Variants in SLC25A21 observed in about 807,000 individuals in gnomAD.
SLC25A21 encodes solute carrier family 25 member 21.
In SLC25A21, 47 loss-of-function variants were observed where a neutral mutation model predicts 43.8. The observed-to-expected ratio is 1.07, with a 90% CI of 0.85 to 1.37. The LOEUF is 1.37. Ranked by LOEUF, SLC25A21 falls within the 40% of genes most tolerant of loss-of-function variation. SLC25A21 has a pLI of 0.00. For synonymous variants in SLC25A21, 131 were observed against 121.3 expected, an observed-to-expected ratio of 1.08 and a Z score of -0.52; for missense variants, 352 against 350.2, an observed-to-expected ratio of 1.00 and a Z score of -0.04.
At chr14:36,697,809 T>C (rs1043798106) in intron 7 of SLC25A21, among the ~76,000 whole-genome samples, 1 of 150,674 alleles carries the variant, frequency 6.6e-6, no homozygotes, top group Non-Finnish European at 1.5e-5. Context: ...ATGTGCATCT[T>C]TGCATGTGAG....
intron 1 of SLC25A21, among the ~76,000 whole-genome samples, chr14:36,897,892 G>A (rs1199041394): frequency 1.3e-5 from 2 of 152,156 alleles, no homozygotes; most frequent in African/African-American, 4.8e-5. Context: ...CGTTCCTCTG[G>A]AAGTTTTGTC....
chr14:36,802,699 A>G (rs1054011242), intron 3 of SLC25A21, among the ~76,000 whole-genome samples: 2 of 152,192 alleles, frequency 1.3e-5, no homozygotes, highest in Admixed American at 6.6e-5. Flanking sequence ...GGAAGGCATC[A>G]AAGAGAAAAC....
chr14:36,892,557 T>TA (rs1891100989), intron 1 of SLC25A21, among the ~76,000 whole-genome samples: 1 of 152,120 alleles, frequency 6.6e-6, no homozygotes, highest in African/African-American at 2.4e-5. Context: ...TCACTTTTTT[T>TA]TTTATTATAC....
intron 1 of SLC25A21, among the ~76,000 whole-genome samples, chr14:37,089,052 T>G (rs1594787001): frequency 6.6e-6 from 1 of 152,320 alleles, no homozygotes; most frequent in East Asian, 1.9e-4. Flanking sequence ...TTTCCTAACT[T>G]AATCATACTC....
At chr14:37,110,240 G>T (rs980175084) in intron 1 of SLC25A21, among the ~76,000 whole-genome samples, 1 of 152,146 alleles carries the variant, frequency 6.6e-6, no homozygotes, top group African/African-American at 2.4e-5. Flanking sequence ...AGGTTGCATT[G>T]GTTTGCAGAG....
intron 1 of SLC25A21, among the ~76,000 whole-genome samples, chr14:37,144,960 T>C (rs1269702495): frequency 6.6e-6 from 1 of 152,082 alleles, no homozygotes; most frequent in African/African-American, 2.4e-5. Flanking sequence ...TTGTTGTTTG[T>C]TTGTTTTTAA....
At chr14:37,101,962 A>C (rs1322252574) in intron 1 of SLC25A21, among the ~76,000 whole-genome samples, 2 of 152,208 alleles carry the variant, frequency 1.3e-5, no homozygotes, top group Non-Finnish European at 2.9e-5. Context: ...CTGTAAGATG[A>C]AGAAAATGAG....
rs536542427 is a variant in SLC25A21, at chr14:37,052,890, G to A, written c.70+119391C>T. 5.3e-5 allele frequency among the ~76,000 whole-genome samples: 8 copies of A among 152,148 alleles called. No homozygotes were observed. The East Asian group carries it at 1.2e-3, about 22-fold the overall frequency. On this transcript the variant is annotated intron_variant, in intron 1 of 9. Coordinates refer to ENST00000331299, the MANE Select transcript of SLC25A21 (RefSeq NM_030631.4). ...TGGCCTCAAGTGATCCACCTGCTTCGGCCTCCAAAAGTGTTAAGATTACAG... is the reference window on the plus strand; with the variant it reads ...TGGCCTCAAGTGATCCACCTGCTTCAGCCTCCAAAAGTGTTAAGATTACAG...
intron 3 of SLC25A21, among the ~76,000 whole-genome samples, chr14:36,764,085 A>AG (rs1566587634): frequency 5.4e-5 from 3 of 55,642 alleles, no homozygotes; most frequent in East Asian, 9.1e-4. Flanking sequence ...AGAAAGAAGG[A>AG]AGGAAGGAAG....
intron 2 of SLC25A21, among the ~76,000 whole-genome samples, chr14:36,841,862 T>C (rs1156509113): frequency 6.6e-6 from 1 of 152,228 alleles, no homozygotes; most frequent in Non-Finnish European, 1.5e-5. Flanking sequence ...ACCTGCAGAC[T>C]ACCCTGCTCA....
intron 1 of SLC25A21, among the ~76,000 whole-genome samples, chr14:36,982,201 T>C (rs375308327): frequency 1.3e-5 from 2 of 152,208 alleles, no homozygotes; most frequent in East Asian, 1.9e-4. Context: ...TAGAACAGAT[T>C]TTAAACTCAT....
chr14:36,687,626 C>T (rs1882613335), intron 7 of SLC25A21, among the ~76,000 whole-genome samples: 1 of 152,202 alleles, frequency 6.6e-6, no homozygotes, highest in South Asian at 2.1e-4. Context: ...GACCACACAG[C>T]CTGCTTGAAT....
chr14:36,750,154 T>C lies in SLC25A21; in HGVS notation c.204-15581A>G, dbSNP rs141806790. Among the ~76,000 whole-genome samples, 15 of 152,354 alleles carry C rather than the reference T, an allele frequency of 9.8e-5. No homozygotes were observed. In the East Asian group the frequency reaches 2.1e-3, roughly 22 times the overall value. Reference sequence around the variant, plus strand: ...GGTGTTGTGAACAGAAAATCGTATCTGGCATTTTGAACTATTCTAAGATCA... The same window carrying C: ...GGTGTTGTGAACAGAAAATCGTATCCGGCATTTTGAACTATTCTAAGATCA... On this transcript the variant is annotated intron_variant, in intron 3 of 9. Transcript: ENST00000331299.
intron 1 of SLC25A21, among the ~76,000 whole-genome samples, chr14:36,935,489 A>G (rs1253108097): frequency 6.6e-6 from 1 of 152,170 alleles, no homozygotes; most frequent in Non-Finnish European, 1.5e-5. Context: ...ATTAATTTTT[A>G]GGAGCAAACA....
chr14:36,761,337 T>C (rs1265106813), intron 3 of SLC25A21, among the ~76,000 whole-genome samples: 1 of 152,254 alleles, frequency 6.6e-6, no homozygotes, highest in Non-Finnish European at 1.5e-5. Flanking sequence ...ACGAGAGCAT[T>C]CACTTCAGGC....
chr14:36,755,175 G>A (rs1885875643), intron 3 of SLC25A21, among the ~76,000 whole-genome samples: 1 of 152,046 alleles, frequency 6.6e-6, no homozygotes, highest in South Asian at 2.1e-4. Context: ...AATGAATGAG[G>A]ACAAATCTGG....
chr14:36,890,829 T>C (rs1214302139), intron 1 of SLC25A21, among the ~76,000 whole-genome samples: 2 of 152,174 alleles, frequency 1.3e-5, no homozygotes, highest in East Asian at 3.9e-4. Context: ...TAACAACTGT[T>C]TAAGTAATAT....
intron 1 of SLC25A21, among the ~76,000 whole-genome samples, chr14:36,955,449 T>C (rs1959314342): frequency 6.6e-6 from 1 of 152,216 alleles, no homozygotes; most frequent in African/African-American, 2.4e-5. Flanking sequence ...TTTTTATTCA[T>C]ACTGGAAAGG....
At chr14:36,882,905 G>A (rs929459476) in intron 1 of SLC25A21, among the ~76,000 whole-genome samples, 7 of 151,662 alleles carry the variant, frequency 4.6e-5, no homozygotes, top group Admixed American at 2.0e-4. Context: ...AACTCTCTTC[G>A]AATCTATCTG....
Sources: gnomAD v4.1 joint callset for allele counts (sites outside exome capture counted in the v4.1 genomes callset) on GRCh38, gnomAD v4.1.1 for gene constraint, MANE v1.5 for transcripts, NCBI Gene and HGNC (gene_info 2026-07-23, HGNC 2026-07-21) for gene names.